Variants in PKD1 observed in about 807,000 individuals in gnomAD.
PKD1 encodes the protein polycystin 1, transient receptor potential channel interacting, also known as polycystin-1.
In PKD1, 81 loss-of-function variants were observed where a neutral mutation model predicts 361.7. That is an observed-to-expected ratio of 0.22 (90% confidence interval 0.19 to 0.27). The LOEUF (loss-of-function observed/expected upper bound fraction) is 0.27, where lower values mean the gene tolerates loss of function less well. Ranked by LOEUF, PKD1 falls within the 10% of genes least tolerant of loss-of-function variation. The pLI is 1.00. For missense variants in PKD1, 6,399 were observed against 6,118.3 expected (o/e 1.05, Z -1.53); for synonymous variants, 3,615 against 2,818.3 (o/e 1.28, Z -8.95).
rs368161263 is a variant in PKD1, at chr16:2,110,458, G to A, written c.4709C>T (p.Thr1570Met). The change falls in exon 15 of 46, where the codon ACG (threonine) becomes ATG (methionine). Residue 1570 changes from threonine to methionine, a missense_variant. Coordinates refer to ENST00000262304, the MANE Select transcript of PKD1 (RefSeq NM_001009944.3). ...CACATCACTGCCGGCCTCCAGCGAC[G>A]TGCTGAAGCTCACGCTCCCATTCAG... Reference protein sequence around the residue: ...VPLNGSVSFSTSLEAGSDVRY... With the variant: ...VPLNGSVSFSMSLEAGSDVRY... The A allele has an allele frequency of 9.3e-6, 15 of 1,612,452 alleles. No homozygotes were observed. The highest frequency in any genetic ancestry group is 2.7e-5 in the African/African-American group (2 of 74,926).
intron 1 of PKD1, among the ~76,000 whole-genome samples, chr16:2,133,565 C>A (rs1291153445): frequency 6.6e-6 from 1 of 151,748 alleles, no homozygotes; most frequent in Admixed American, 6.6e-5. Flanking sequence ...GCAGGGTAGA[C>A]AGCAAAATGG....
intron 11 of PKD1, among the ~76,000 whole-genome samples, chr16:2,113,507 CCTCT>C (rs1215698532): frequency 6.6e-6 from 1 of 152,130 alleles, no homozygotes; most frequent in African/African-American, 2.4e-5. Context: ...AATGCCTCAA[CCTCT>C]CTGTGCCTCA....
At position 2,118,795 on chromosome 16, in the gene PKD1, G is replaced by A. The variant is rs531501851; in HGVS notation, c.410C>T (p.Pro137Leu). The change falls in exon 4 of 46, where the codon CCG becomes CTG. Residue 137 changes from proline to leucine, a missense_variant. Pro to Leu is a moderately conservative substitution (Grantham distance 98, BLOSUM62 -3). Transcript: ENST00000262304. The surrounding 1 kb of genome is among the most constrained non-coding windows in gnomAD (Gnocchi z 6.0). The part of the protein sequence containing the change: ...FECDCGLAWL[P>L]RWAEEQQVRV... Reference sequence around the variant, plus strand: ...CACCTGCTGCTCCTCCGCCCATCGCGGCAGCCACGCCAGGCCACAGTCACA... The same window carrying A: ...CACCTGCTGCTCCTCCGCCCATCGCAGCAGCCACGCCAGGCCACAGTCACA... The A allele has an allele frequency of 1.6e-4, 245 of 1,559,904 alleles. 3 individuals are homozygous for A. In the South Asian group the frequency reaches 2.5e-3, roughly 16 times the overall value.
rs1175050885 is a variant in PKD1, at chr16:2,107,904, C to G, written c.7044G>C (p.Lys2348Asn). ...CCACCGTCTGGTTGGTGGCCTCCTC[C>G]TTGCGGCCGGCCTTCCACACGGTCA... ...FSLTVWKAGR[K>N]EEATNQTVLI... Residue 2348 changes from lysine to asparagine, a missense_variant, in exon 16 of 46, where the codon AAG becomes AAC. Lys to Asn is a moderately conservative substitution (Grantham distance 94). Transcript: ENST00000262304. 1 of 1,544,956 alleles carries G rather than the reference C, an allele frequency of 6.5e-7. No homozygotes were observed. The highest frequency in any genetic ancestry group is 8.7e-7 in the Non-Finnish European group (1 of 1,146,640).
chr16:2,107,704 C>A lies in PKD1; in HGVS notation c.7065+179G>T, dbSNP rs2092392194. 4.5e-6 allele frequency: 3 copies of A among 670,376 alleles called. No individual in the cohort carries two copies. The South Asian group carries it at 5.1e-5, about 11-fold the overall frequency. The allele number at this position is 670,376 out of a possible 1,614,324, so 41.5% of individuals were successfully genotyped here. On this transcript the variant is annotated intron_variant, in intron 16 of 45. Transcript: ENST00000262304. The stretch of plus-strand genomic sequence containing the variant: ...TGTGGCTTGAAGACTGTACGTGGAA[C>A]TGTGGCAGGTTTGGAAGGAAGCAAA...
At position 2,088,828 on chromosome 16, in the gene PKD1, C is replaced by A. The variant is rs1324604492; in HGVS notation, c.*899G>T. On this transcript the variant is annotated 3_prime_UTR_variant, in exon 46 of 46. Transcript: ENST00000262304. Reference sequence around the variant, plus strand: ...TACACAGAAGCAGGCACAGCCAGCTCCGAGGGCCTTGAGGCTGCCTGGGCC... The same window carrying A: ...TACACAGAAGCAGGCACAGCCAGCTACGAGGGCCTTGAGGCTGCCTGGGCC... 2 of 637,602 alleles carry A rather than the reference C, an allele frequency of 3.1e-6. No individual in the cohort carries two copies. The highest frequency in any genetic ancestry group is 5.6e-5 in the East Asian group (2 of 35,432). The allele number at this position is 637,602 out of a possible 1,614,324, so 39.5% of individuals were successfully genotyped here. A position where few individuals can be genotyped will look rare whatever the true frequency, so the allele number is the denominator to read the frequency against.
intron 1 of PKD1, among the ~76,000 whole-genome samples, chr16:2,130,803 G>C (rs2151849664): frequency 6.6e-6 from 1 of 152,356 alleles, no homozygotes; most frequent in African/African-American, 2.4e-5. Context: ...GGATGCAGGT[G>C]GGAAAGGGCA....
intron 1 of PKD1, among the ~76,000 whole-genome samples, chr16:2,121,898 A>C (rs2092726893): frequency 6.6e-6 from 1 of 152,180 alleles, no homozygotes; most frequent in African/African-American, 2.4e-5. Context: ...TCTTCCCAGC[A>C]ATGACCACCC....
chr16:2,109,385 G>C lies in PKD1; in HGVS notation c.5782C>G (p.Pro1928Ala), dbSNP rs1183323222. Residue 1928 changes from proline to alanine, a missense_variant, in exon 15 of 46, where the codon CCC becomes GCC. Pro to Ala is a conservative substitution (Grantham distance 27, BLOSUM62 -1). Transcript: ENST00000262304. ...TFRLQVGGAN[P>A]EVLPGPRFSH... ...AAACGGGGCCCGGGGAGCACCTCGG[G>C]GTTGGCCCCGCCGACCTGCAGGCGG... The C allele has an allele frequency of 1.3e-6, 2 of 1,597,632 alleles. No individual in the cohort carries two copies. The highest frequency in any genetic ancestry group is 8.5e-7 in the Non-Finnish European group (1 of 1,177,614).
chr16:2,101,298 G>A (rs1457841585), intron 26 of PKD1, among the ~76,000 whole-genome samples: 3 of 152,126 alleles, frequency 2.0e-5, no homozygotes, highest in Admixed American at 6.5e-5. Context: ...GTTTTTAAAA[G>A]TAGGTAATCA....
At position 2,135,661 on chromosome 16, in the gene PKD1, G is replaced by A. The variant is rs2092941834; in HGVS notation, c.29C>T (p.Ala10Val). 3 of 784,150 alleles carry A rather than the reference G, an allele frequency of 3.8e-6. No individual in the cohort carries two copies. Among genetic ancestry groups the A allele is most frequent in the South Asian group, 5.6e-5 (1 of 17,900 alleles). The allele number at this position is 784,150 out of a possible 1,614,324, so 48.6% of individuals were successfully genotyped here. A position where few individuals can be genotyped will look rare whatever the true frequency, so the allele number is the denominator to read the frequency against. Reference protein sequence around the residue: MPPAAPARLALALGLGLWLG... With the variant: MPPAAPARLVLALGLGLWLG... ...CCACAGGCCCAGGCCCAGGGCCAGC[G>A]CCAGGCGGGCGGGCGCGGCGGGCGG... The change falls in exon 1 of 46, where the codon GCG becomes GTG. Residue 10 changes from alanine (A) to valine (V), a missense_variant. By Grantham distance (64) the Ala-to-Val change is moderately conservative (BLOSUM62 0). Transcript: ENST00000262304.
At chr16:2,133,909 T>C (rs984832281) in intron 1 of PKD1, among the ~76,000 whole-genome samples, 8 of 151,582 alleles carry the variant, frequency 5.3e-5, no homozygotes, top group Non-Finnish European at 8.8e-5. Flanking sequence ...GCCAAGGGCC[T>C]GGAGAACACG....
chr16:2,111,482 C>G lies in PKD1; in HGVS notation c.3685G>C (p.Val1229Leu). 6.2e-7 allele frequency: 1 copy of G among 1,611,410 alleles called. No individual in the cohort carries two copies. Among genetic ancestry groups the G allele is most frequent in the Non-Finnish European group, 8.5e-7 (1 of 1,179,414 alleles). The change falls in exon 15 of 46, where the codon GTG (valine) becomes CTG (leucine). Residue 1229 changes from valine (V) to leucine (L), a missense_variant. By Grantham distance (32) the Val-to-Leu change is conservative. Coordinates refer to ENST00000262304, the MANE Select transcript of PKD1 (RefSeq NM_001009944.3). ...GTCTGCACCGCGGCGCTGACCACCACGGGGGCGCCCTGCTCCACGGCCAGG... is the reference window on the plus strand; with the variant it reads ...GTCTGCACCGCGGCGCTGACCACCAGGGGGGCGCCCTGCTCCACGGCCAGG... ...MSLAVEQGAP[V>L]VVSAAVQTGD...
chr16:2,106,704 G>T lies in PKD1; in HGVS notation c.7210-27C>A, dbSNP rs1376732813. The T allele has an allele frequency of 5.8e-5, 92 of 1,576,926 alleles. No homozygotes were observed. The highest frequency in any genetic ancestry group is 2.3e-4 in the Middle Eastern group (1 of 4,422). ...TGCAGGCAGAAGGGGTGGTGAGGGGGCGCAACCCTCTGCCCTGTCAGCCCC... is the reference window on the plus strand; with the variant it reads ...TGCAGGCAGAAGGGGTGGTGAGGGGTCGCAACCCTCTGCCCTGTCAGCCCC... On this transcript the variant is annotated intron_variant, in intron 17 of 45. Transcript: ENST00000262304. The surrounding 1 kb of genome is among the most constrained non-coding windows in gnomAD (Gnocchi z 6.5).
At chr16:2,103,032 C>T (rs530714435) in intron 23 of PKD1, 62 bp from the exon 24 acceptor site, 104 of 1,558,206 alleles carry the variant, frequency 6.7e-5, no homozygotes, top group South Asian at 1.2e-4. Context: ...GGGACACCCA[C>T]GATGGCCCTC....
At chr16:2,098,097 T>A in intron 30 of PKD1, 113 bp from the exon 31 acceptor site, 1 of 674,830 alleles carries the variant, frequency 1.5e-6, no homozygotes, top group Non-Finnish European at 2.7e-6. Flanking sequence ...TGACAGAATG[T>A]CCTAGAATGC....
rs778176818 is a variant in PKD1 at position 2,100,612 on chromosome 16, C to T, written c.9398-46G>A. 2.9e-5 allele frequency: 44 copies of T among 1,526,262 alleles called. No individual in the cohort carries two copies. Among genetic ancestry groups the T allele is most frequent in the Non-Finnish European group, 3.5e-5 (39 of 1,110,066 alleles). The allele number at this position is 1,526,262 out of a possible 1,614,324, so 94.5% of individuals were successfully genotyped here. The stretch of plus-strand genomic sequence containing the variant: ...GTGGGAGGCTCGGTCTGCTGCCCAA[C>T]ACGTGTGGCATCCCAGGCAAGTCAT... On this transcript the variant is annotated intron_variant, in intron 26 of 45. Transcript: ENST00000262304. The surrounding 1 kb of genome is among the most constrained non-coding windows in gnomAD (Gnocchi z 4.4).
At position 2,114,357 on chromosome 16, in the gene PKD1, G is replaced by A. The variant is rs745736539; in HGVS notation, c.2666C>T (p.Thr889Ile). 1.2e-6 allele frequency: 2 copies of A among 1,610,178 alleles called. No homozygotes were observed. The highest frequency in any genetic ancestry group is 1.7e-6 in the Non-Finnish European group (2 of 1,179,620). Residue 889 changes from threonine (T) to isoleucine (I), a missense_variant, in exon 11 of 46, where the codon ACC becomes ATC. Thr to Ile is a moderately conservative substitution (Grantham distance 89, BLOSUM62 -1). Transcript: ENST00000262304. ...TACCACTGAGAACAGGGTATCGTTG[G>A]TCTCCCAGGGGCAGCCGGGCACGAA... is the stretch of plus-strand genomic sequence containing the variant. ...ATFVPGCPWE[T>I]NDTLFSVVAL...
At chr16:2,116,295 C>A (rs1040003076) in intron 8 of PKD1, 177 bp from the exon 9 acceptor site, 4 of 727,496 alleles carry the variant, frequency 5.5e-6, no homozygotes, top group South Asian at 1.6e-5. Flanking sequence ...CCATGGGGGG[C>A]AGGACCCCTG....
Sources: gnomAD v4.1 joint callset for allele counts (sites outside exome capture counted in the v4.1 genomes callset) on GRCh38, gnomAD v4.1.1 for gene constraint, Gnocchi (gnomAD v3.1) non-coding constraint, MANE v1.5 for transcripts, NCBI Gene and HGNC (gene_info 2026-07-23, HGNC 2026-07-21) for gene names.